Variants in MON2 observed in about 807,000 individuals in gnomAD.
MON2 encodes protein MON2 homolog.
A neutral mutation model predicts 208.6 loss-of-function variants in MON2; 84 were observed. That is an observed-to-expected ratio of 0.40 (90% CI 0.34 to 0.48). The LOEUF (loss-of-function observed/expected upper bound fraction) is 0.48. Ranked by LOEUF, MON2 falls within the 20% of genes least tolerant of loss-of-function variation. The probability of loss-of-function intolerance (pLI) is 0.59; values close to 1 mark genes in which losing one functional copy is unlikely to be tolerated. For synonymous variants in MON2, 660 were observed against 694.0 expected (o/e 0.95, Z 0.77); for missense variants, 1,611 against 2,015.4 (o/e 0.80, Z 3.84).
intron 14 of MON2, among the ~76,000 whole-genome samples, chr12:62,535,989 A>G (rs1420435769): frequency 6.6e-6 from 1 of 152,144 alleles, no homozygotes; most frequent in Non-Finnish European, 1.5e-5. Flanking sequence ...TATAATGTGA[A>G]TAGGTATATA....
At chr12:62,544,070 T>C (rs2073368168) in intron 20 of MON2, among the ~76,000 whole-genome samples, 1 of 152,206 alleles carries the variant, frequency 6.6e-6, no homozygotes, top group Non-Finnish European at 1.5e-5. Context: ...TCTGCCAGTA[T>C]GTGTGTTTGT....
chr12:62,522,298 C>T (rs993973661), intron 8 of MON2, among the ~76,000 whole-genome samples: 6 of 152,202 alleles, frequency 3.9e-5, no homozygotes, highest in Non-Finnish European at 7.3e-5. Flanking sequence ...TCTACTTCTT[C>T]ACAGACATTT....
chr12:62,537,648 CG>C lies in MON2; in HGVS notation c.2061del (p.His688IlefsTer27). The C allele has an allele frequency of 6.2e-7, 1 of 1,613,204 alleles. No individual in the cohort carries two copies. The highest frequency in any genetic ancestry group is 1.1e-5 in the South Asian group (1 of 90,910). On this transcript the variant is annotated frameshift_variant, in exon 16 of 35. Transcript: ENST00000393630. LOFTEE classifies it high-confidence loss of function. ...TGTATGAGGACTTTACTTAACTTGG[CG>C]CATTGCCATGGGGCTGTTCTTGGAA... Reference protein sequence around the residue: ...IQCMRTLLNLAHCHGAVLGTS... With the variant: ...IQCMRTLLNLXHCHGAVLGTS...
At chr12:62,563,827 A>T (rs2074279187) in intron 26 of MON2, among the ~76,000 whole-genome samples, 1 of 152,118 alleles carries the variant, frequency 6.6e-6, no homozygotes, top group Non-Finnish European at 1.5e-5. Context: ...AGGTACCCAC[A>T]TAGGTTTTTT....
At chr12:62,515,519 T>TA (rs953636305) in intron 8 of MON2, among the ~76,000 whole-genome samples, 1 of 152,086 alleles carries the variant, frequency 6.6e-6, no homozygotes, top group Non-Finnish European at 1.5e-5. Flanking sequence ...TTTTGCAAGA[T>TA]AAAAAAGTTC....
chr12:62,599,374 A>C lies in MON2; in HGVS notation c.*6625A>C, dbSNP rs955108562. 9 of 152,184 alleles carry C rather than the reference A, an allele frequency of 5.9e-5. No homozygotes were observed. The highest frequency in any genetic ancestry group is 7.4e-5 in the Non-Finnish European group (5 of 68,022). The allele number at this position is 152,184 out of a possible 1,614,324, so 9.4% of individuals were successfully genotyped here. A position where few individuals can be genotyped will look rare whatever the true frequency, so the allele number is the denominator to read the frequency against. ...TGCCTGTCCATATCAATGCCAGACT[A>C]TCTCTCTACCTCTCAAAGAAAATAA... On this transcript the variant is annotated 3_prime_UTR_variant, in exon 35 of 35. Transcript: ENST00000393630.
intron 1 of MON2, among the ~76,000 whole-genome samples, chr12:62,470,321 G>C (rs1001819707): frequency 2.0e-5 from 3 of 152,118 alleles, no homozygotes; most frequent in African/African-American, 7.2e-5. Context: ...TTTACTTACT[G>C]TCTTTGGACT....
At chr12:62,483,027 C>T (rs538626337) in intron 1 of MON2, 2 of 152,034 alleles carry the variant, frequency 1.3e-5, no homozygotes, top group African/African-American at 2.4e-5. Flanking sequence ...CAGCAAGATC[C>T]TGTCTCTAAA....
At chr12:62,498,157 G>A (rs544363992) in intron 4 of MON2, among the ~76,000 whole-genome samples, 1 of 151,928 alleles carries the variant, frequency 6.6e-6, no homozygotes, top group South Asian at 2.1e-4. Flanking sequence ...GTAATAAAAG[G>A]TACAAACTAC....
chr12:62,473,219 A>G (rs1202346274), intron 1 of MON2, among the ~76,000 whole-genome samples: 1 of 152,224 alleles, frequency 6.6e-6, no homozygotes, highest in Non-Finnish European at 1.5e-5. Context: ...TTGCATCCTT[A>G]GACTCTAATG....
Position 62,526,152 on chromosome 12 carries a change from T to C in MON2, c.1400+50T>C. The C allele has an allele frequency of 1.9e-6, 3 of 1,538,682 alleles. 1 individual carries two copies. The South Asian group carries it at 3.5e-5, about 18-fold the overall frequency. ...TAAGGAATGATGTTGTTGGGGGTGA[T>C]ATTTAACCTAAAATTCTTCTCTATT... On this transcript the variant is annotated intron_variant, in intron 11 of 34. Transcript: ENST00000393630.
intron 8 of MON2, 117 bp from the exon 9 acceptor site, chr12:62,524,398 T>G (rs1458586188): frequency 6.6e-6 from 5 of 760,424 alleles, no homozygotes; most frequent in Non-Finnish European, 1.0e-5. Flanking sequence ...AAGAGTTTGA[T>G]TTCTAATCTA....
chr12:62,596,075 G>T lies in MON2; in HGVS notation c.*3326G>T, dbSNP rs541721422. 1.1e-4 allele frequency: 16 copies of T among 152,214 alleles called. No homozygotes were observed. The highest frequency in any genetic ancestry group is 3.9e-4 in the African/African-American group (16 of 41,530). 9.4% of individuals were successfully genotyped at this position (152,214 alleles called of 1,614,324 possible). A position where few individuals can be genotyped will look rare whatever the true frequency, so the allele number is the denominator to read the frequency against. ...ATTTTAAAGAGCATTTTGTTTTATT[G>T]TCACAATTTGGTACCACTAGTCCCA... On this transcript the variant is annotated 3_prime_UTR_variant, in exon 35 of 35. Coordinates refer to ENST00000393630, the MANE Select transcript of MON2 (RefSeq NM_015026.3).
At chr12:62,491,464 T>C (rs1340944547) in intron 2 of MON2, among the ~76,000 whole-genome samples, 1 of 152,184 alleles carries the variant, frequency 6.6e-6, no homozygotes, top group Admixed American at 6.5e-5. Flanking sequence ...TGAAAGTATA[T>C]CTTCTTTTTT....
chr12:62,593,446 T>A lies in MON2; in HGVS notation c.*697T>A, dbSNP rs964963367. 5 of 152,594 alleles carry A rather than the reference T, an allele frequency of 3.3e-5. No homozygotes were observed. The highest frequency in any genetic ancestry group is 6.5e-5 in the Admixed American group (1 of 15,286). The allele number at this position is 152,594 out of a possible 1,614,324, so 9.5% of individuals were successfully genotyped here. A position where few individuals can be genotyped will look rare whatever the true frequency, so the allele number is the denominator to read the frequency against. ...CAGTTAGCTTCATGCTTATTTTAAA[T>A]GTATTATTAGTGACCATTAAACATC... On this transcript the variant is annotated 3_prime_UTR_variant, in exon 35 of 35. Coordinates refer to ENST00000393630, the MANE Select transcript of MON2 (RefSeq NM_015026.3).
chr12:62,479,447 A>G (rs887484915), intron 1 of MON2, among the ~76,000 whole-genome samples: 15 of 105,524 alleles, frequency 1.4e-4, no homozygotes, highest in African/African-American at 4.4e-4. Context: ...CCCCCCCCCA[A>G]ATATTTTTGA....
intron 8 of MON2, among the ~76,000 whole-genome samples, chr12:62,513,888 T>C (rs146129194): frequency 0.13 from 18,696 of 145,150 alleles, 2,874 homozygotes; most frequent in Middle Eastern, 0.27. Flanking sequence ...AGGCAGAGCT[T>C]GCAATGAGCC....
At chr12:62,574,481 A>G (rs1020683471) in intron 30 of MON2, among the ~76,000 whole-genome samples, 12 of 151,958 alleles carry the variant, frequency 7.9e-5, no homozygotes, top group Non-Finnish European at 1.3e-4. Context: ...GCCTCAGGTG[A>G]TTCTCCCACC....
At chr12:62,478,071 C>G (rs889148657) in intron 1 of MON2, among the ~76,000 whole-genome samples, 1 of 152,086 alleles carries the variant, frequency 6.6e-6, no homozygotes, top group Non-Finnish European at 1.5e-5. Flanking sequence ...AAGTCCATCC[C>G]TCTCTCTCCC....
Sources: gnomAD v4.1 joint callset for allele counts (sites outside exome capture counted in the v4.1 genomes callset) on GRCh38, gnomAD v4.1.1 for gene constraint, MANE v1.5 for transcripts, NCBI Gene and HGNC (gene_info 2026-07-23, HGNC 2026-07-21) for gene names.